SGPL1: variants seen among roughly 807,000 people sequenced by gnomAD.
SGPL1 encodes sphingosine-1-phosphate lyase 1, also known as SP-lyase 1.
Under a neutral mutation model 68.9 loss-of-function variants are expected in SGPL1, and 37 were observed. The observed-to-expected ratio is 0.54, with a 90% CI of 0.41 to 0.71. SGPL1 has a LOEUF of 0.71. Among genes scored for constraint, SGPL1 ranks in the 30% least tolerant of loss-of-function variants. SGPL1 has a pLI of 0.00. For synonymous variants in SGPL1, 236 were observed against 248.5 expected (o/e 0.95, Z 0.47); for missense variants, 551 against 704.6 (o/e 0.78, Z 2.47).
rs563522789 is a variant in SGPL1, at chr10:70,843,805, T to A, written c.28-668T>A. ...GCCAAATCTGGCTCTTGCCTGCTTTTATATGGTCCTTGTGCTAAGAATGAT... is the reference window on the plus strand; with the variant it reads ...GCCAAATCTGGCTCTTGCCTGCTTTAATATGGTCCTTGTGCTAAGAATGAT... On this transcript the variant is annotated intron_variant, in intron 2 of 14. Coordinates refer to ENST00000373202, the MANE Select transcript of SGPL1 (RefSeq NM_003901.4). Among the ~76,000 whole-genome samples, 3 of 152,346 alleles carry A rather than the reference T, an allele frequency of 2.0e-5. No individual in the cohort carries two copies. In the East Asian group the frequency reaches 5.8e-4, roughly 29 times the overall value.
At chr10:70,825,299 T>C (rs914133763) in intron 2 of SGPL1, among the ~76,000 whole-genome samples, 26 of 152,212 alleles carry the variant, frequency 1.7e-4, no homozygotes, top group African/African-American at 6.0e-4. Context: ...CTAATACAAC[T>C]GGAAACCAGA....
chr10:70,860,227 G>C (rs961011844), intron 7 of SGPL1, among the ~76,000 whole-genome samples: 3 of 152,072 alleles, frequency 2.0e-5, no homozygotes, highest in Non-Finnish European at 4.4e-5. Context: ...GAAATCTCAG[G>C]TTATGTAGGA....
Position 70,824,917 on chromosome 10 carries a change from C to T in SGPL1, c.27+8037C>T, listed in dbSNP as rs1378332227. 2.0e-5 allele frequency among the ~76,000 whole-genome samples: 3 copies of T among 151,444 alleles called. No individual in the cohort carries two copies. In the East Asian group the frequency reaches 5.8e-4, roughly 29 times the overall value. On this transcript the variant is annotated intron_variant, in intron 2 of 14. Coordinates refer to ENST00000373202, the MANE Select transcript of SGPL1 (RefSeq NM_003901.4). ...CACAATACATTTTTCAGGTAGGCAC[C>T]AAGTTATCCTAAAAAATTTTCATGT...
chr10:70,828,166 T>C (rs1845468889), intron 2 of SGPL1, among the ~76,000 whole-genome samples: 1 of 152,140 alleles, frequency 6.6e-6, no homozygotes, highest in African/African-American at 2.4e-5. Context: ...ATTTCCAAAG[T>C]GGTTGTACTA....
At chr10:70,873,140 T>C (rs998000369) in intron 11 of SGPL1, among the ~76,000 whole-genome samples, 6 of 152,218 alleles carry the variant, frequency 3.9e-5, no homozygotes, top group Non-Finnish European at 8.8e-5. Context: ...GGGTCTCAGA[T>C]TCCTCATTCC....
At chr10:70,816,747 T>C (rs543085799) in intron 1 of SGPL1, 64 bp from the exon 2 acceptor site, 1 of 1,155,086 alleles carries the variant, frequency 8.7e-7, no homozygotes, top group Non-Finnish European at 1.3e-6. Flanking sequence ...CTCTGGCGAA[T>C]CTAGGCGGGC....
At chr10:70,833,846 A>C (rs571863150) in intron 2 of SGPL1, among the ~76,000 whole-genome samples, 1 of 152,286 alleles carries the variant, frequency 6.6e-6, no homozygotes, top group African/African-American at 2.4e-5. Context: ...TTCTGGAAAA[A>C]GTATTGAGCG....
rs191093708 is a variant in SGPL1, at chr10:70,875,314, G to T, written c.1299-88G>T. On this transcript the variant is annotated intron_variant, in intron 12 of 14. Transcript: ENST00000373202. The stretch of plus-strand genomic sequence containing the variant: ...GTTAGATTGCATTCATTATAAGGAA[G>T]ACTTTGAATGATTAAAGAGATAGTG... 11 of 838,700 alleles carry T rather than the reference G, an allele frequency of 1.3e-5. No homozygotes were observed. In the East Asian group the frequency reaches 2.5e-4, roughly 19 times the overall value. The allele number at this position is 838,700 out of a possible 1,614,324, so 52.0% of individuals were successfully genotyped here. A position where few individuals can be genotyped will look rare whatever the true frequency, so the allele number is the denominator to read the frequency against.
At chr10:70,826,557 C>T (rs1004735873) in intron 2 of SGPL1, among the ~76,000 whole-genome samples, 1 of 152,208 alleles carries the variant, frequency 6.6e-6, no homozygotes, top group African/African-American at 2.4e-5. Flanking sequence ...CACATATCTA[C>T]ATTTTAATGA....
intron 2 of SGPL1, among the ~76,000 whole-genome samples, chr10:70,836,943 A>G (rs1228146033): frequency 2.0e-5 from 3 of 152,162 alleles, no homozygotes; most frequent in Non-Finnish European, 2.9e-5. Flanking sequence ...TACAAATAAA[A>G]TAACATGAAA....
At chr10:70,834,593 A>G (rs1366215873) in intron 2 of SGPL1, among the ~76,000 whole-genome samples, 3 of 152,242 alleles carry the variant, frequency 2.0e-5, no homozygotes, top group Non-Finnish European at 4.4e-5. Flanking sequence ...AGCTCAGAGA[A>G]GAATGAAGTT....
chr10:70,850,718 T>C lies in SGPL1; in HGVS notation c.194-425T>C, dbSNP rs1199524105. Among the ~76,000 whole-genome samples, 3 of 152,166 alleles carry C rather than the reference T, an allele frequency of 2.0e-5. No homozygotes were observed. The East Asian group carries it at 5.8e-4, about 29-fold the overall frequency. The stretch of plus-strand genomic sequence containing the variant: ...AATACTCTGCAGCTATAAAAATGAA[T>C]GAGGATGCACTGATCTTTAAGATAA... On this transcript the variant is annotated intron_variant, in intron 3 of 14. Transcript: ENST00000373202.
rs185364746 is a variant in SGPL1, at chr10:70,825,969, G to T, written c.27+9089G>T. On this transcript the variant is annotated intron_variant, in intron 2 of 14. Transcript: ENST00000373202. Reference sequence around the variant, plus strand: ...GGCCGAAATGGGCGGATCACTTGAAGCCAGAAGTCAAGATCAGCCTGGGCA... The same window carrying T: ...GGCCGAAATGGGCGGATCACTTGAATCCAGAAGTCAAGATCAGCCTGGGCA... 2.0e-5 allele frequency among the ~76,000 whole-genome samples: 3 copies of T among 152,314 alleles called. No individual in the cohort carries two copies. In the East Asian group the frequency reaches 5.8e-4, roughly 29 times the overall value.
chr10:70,833,995 G>A (rs1452511154), intron 2 of SGPL1, among the ~76,000 whole-genome samples: 2 of 149,498 alleles, frequency 1.3e-5, no homozygotes, highest in African/African-American at 2.6e-5. Context: ...GTAGAGTGAC[G>A]TGACTGGGCC....
chr10:70,823,533 A>G (rs1845378792), intron 2 of SGPL1, among the ~76,000 whole-genome samples: 1 of 148,728 alleles, frequency 6.7e-6, no homozygotes, highest in South Asian at 2.1e-4. Flanking sequence ...ACGAACCAAT[A>G]TCAGACTTTT....
intron 12 of SGPL1, among the ~76,000 whole-genome samples, chr10:70,874,225 T>C (rs1157341516): frequency 3.3e-5 from 5 of 152,116 alleles, no homozygotes; most frequent in Admixed American, 2.6e-4. Context: ...GTCACTTGGA[T>C]TGGGGAGGCT....
At position 70,844,502 on chromosome 10, in the gene SGPL1, G is replaced by C. The variant is rs1260688040; in HGVS notation, c.57G>C (p.Leu19Phe). Residue 19 changes from leucine (L) to phenylalanine (F), a missense_variant, in exon 3 of 15, where the codon TTG (leucine) becomes TTC (phenylalanine). Transcript: ENST00000373202. Reference protein sequence around the residue: ...LKAFEPYLEILEVYSTKAKNY... With the variant: ...LKAFEPYLEIFEVYSTKAKNY... The stretch of plus-strand genomic sequence containing the variant: ...CCTTTGAGCCCTACTTAGAGATTTT[G>C]GAAGTATACTCCACAAAAGCCAAGA... The C allele has an allele frequency of 1.2e-6, 2 of 1,613,690 alleles. No individual in the cohort carries two copies. The highest frequency in any genetic ancestry group is 1.3e-5 in the African/African-American group (1 of 74,882).
Position 70,854,823 on chromosome 10 carries a change from T to G in SGPL1, c.377T>G (p.Val126Gly), listed in dbSNP as rs1845939376. ...TCCCAGGGTCTGAGCTCATCTGCTG[T>G]TTTGGAGAAACTTAAGGAGTACAGC... ...LPSQGLSSSAVLEKLKEYSSM... is the reference protein window; with the variant it reads ...LPSQGLSSSAGLEKLKEYSSM... The change falls in exon 5 of 15, where the codon GTT (valine) becomes GGT (glycine). Residue 126 changes from valine (V) to glycine (G), a missense_variant. Transcript: ENST00000373202. The G allele has an allele frequency of 6.2e-7, 1 of 1,612,978 alleles. No individual in the cohort carries two copies. The highest frequency in any genetic ancestry group is 1.7e-5 in the Admixed American group (1 of 59,766).
At chr10:70,852,732 GCGCA>G (rs1327477568) in intron 4 of SGPL1, among the ~76,000 whole-genome samples, 74 of 151,530 alleles carry the variant, frequency 4.9e-4, no homozygotes, top group African/African-American at 1.5e-3. Flanking sequence ...GTGTGTGCGC[GCGCA>G]CGCGTGTGTG....
Sources: allele counts gnomAD v4.1 joint callset (sites outside exome capture counted in the v4.1 genomes callset), GRCh38; gene constraint gnomAD v4.1.1; transcripts MANE v1.5; gene names NCBI Gene and HGNC (gene_info 2026-07-23, HGNC 2026-07-21).